SAMTOR: variants seen among roughly 807,000 people sequenced by gnomAD.
SAMTOR encodes UPF0532 protein C7orf60.
the SAMTOR span, among the ~76,000 whole-genome samples, chr7:112,927,856 G>A: frequency 3.3e-5 from 5 of 151,858 alleles, no homozygotes; most frequent in Non-Finnish European, 7.4e-5. Flanking sequence ...AAACAAATTC[G>A]TAATTTTAAA....
chr7:112,925,625 G>A, the SAMTOR span, among the ~76,000 whole-genome samples: 42 of 151,996 alleles, frequency 2.8e-4, no homozygotes, highest in Admixed American at 1.4e-3. Context: ...AAAACCCTGC[G>A]TCTACTACAA....
the SAMTOR span, chr7:112,895,457 C>G: frequency 4.4e-6 from 3 of 684,434 alleles, no homozygotes; most frequent in Non-Finnish European, 6.7e-6. Context: ...CTCAGTCTAT[C>G]ATGTAACTAC....
At chr7:112,916,177 C>T in the SAMTOR span, among the ~76,000 whole-genome samples, 2 of 152,266 alleles carry the variant, frequency 1.3e-5, no homozygotes, top group East Asian at 1.9e-4. Context: ...TATAAGCTGA[C>T]TACATTATCC....
chr7:112,924,752 G>A, the SAMTOR span, among the ~76,000 whole-genome samples: 2 of 151,768 alleles, frequency 1.3e-5, no homozygotes, highest in Non-Finnish European at 2.9e-5. Flanking sequence ...GAAATGTTAA[G>A]GTATTCGAGT....
the SAMTOR span, among the ~76,000 whole-genome samples, chr7:112,899,789 G>GAAAAAAAAAAAAAAAAAAAAAAAAAAAA: frequency 8.8e-6 from 1 of 113,388 alleles, no homozygotes; most frequent in Non-Finnish European, 1.7e-5. Context: ...TGTGCTGAAG[G>GAAAAAAAAAAAAAAAAAAAAAAAAAAAA]AAAAAAAAAA....
At chr7:112,835,427 C>T in the SAMTOR span, among the ~76,000 whole-genome samples, 4 of 152,064 alleles carry the variant, frequency 2.6e-5, no homozygotes, top group Non-Finnish European at 2.9e-5. Context: ...CAGTGTTTCA[C>T]CATTAAATGT....
the SAMTOR span, among the ~76,000 whole-genome samples, chr7:112,849,604 G>C: frequency 1.3e-5 from 2 of 152,084 alleles, no homozygotes; most frequent in Non-Finnish European, 2.9e-5. Flanking sequence ...TCTGTTGCTC[G>C]ACTGCTCTGG....
chr7:112,918,032 T>C, the SAMTOR span, among the ~76,000 whole-genome samples: 18 of 152,266 alleles, frequency 1.2e-4, no homozygotes, highest in South Asian at 3.5e-3. Context: ...CTGCAGGATA[T>C]ATCCAGGAGA....
At chr7:112,899,181 A>T in the SAMTOR span, among the ~76,000 whole-genome samples, 1 of 152,272 alleles carries the variant, frequency 6.6e-6, no homozygotes, top group East Asian at 1.9e-4. Flanking sequence ...ATCTCAATGA[A>T]CTTCAAAAAA....
the SAMTOR span, among the ~76,000 whole-genome samples, chr7:112,828,839 C>T: frequency 6.6e-6 from 1 of 152,152 alleles, no homozygotes; most frequent in African/African-American, 2.4e-5. Flanking sequence ...AAATCGATTT[C>T]ATCTTCATTT....
chr7:112,866,204 TAG>T, the SAMTOR span, among the ~76,000 whole-genome samples: 1 of 152,186 alleles, frequency 6.6e-6, no homozygotes, highest in Non-Finnish European at 1.5e-5. Flanking sequence ...CTTTTCTGTA[TAG>T]AGAGCTGAAC....
the SAMTOR span, among the ~76,000 whole-genome samples, chr7:112,908,617 T>C: frequency 1.3e-5 from 2 of 151,992 alleles, no homozygotes; most frequent in Non-Finnish European, 2.9e-5. Flanking sequence ...AGGTACAGAG[T>C]ATATAACAGT....
chr7:112,822,150 C>A, the SAMTOR span: 1 of 1,613,842 alleles, frequency 6.2e-7, no homozygotes. Flanking sequence ...TAGTAATAAA[C>A]CATTTAACAC....
the SAMTOR span, among the ~76,000 whole-genome samples, chr7:112,836,405 T>A: frequency 6.6e-6 from 1 of 151,592 alleles, no homozygotes; most frequent in African/African-American, 2.4e-5. Flanking sequence ...TGCATGGTTA[T>A]ATTTTCTCCC....
At chr7:112,847,750 C>T in the SAMTOR span, among the ~76,000 whole-genome samples, 1 of 151,148 alleles carries the variant, frequency 6.6e-6, no homozygotes, top group Middle Eastern at 3.2e-3. Context: ...TGCACTCCAG[C>T]TTGGGGAACA....
the SAMTOR span, among the ~76,000 whole-genome samples, chr7:112,929,453 G>A: frequency 6.6e-6 from 1 of 151,992 alleles, no homozygotes; most frequent in Non-Finnish European, 1.5e-5. Context: ...GCATTGGTGA[G>A]GATGTGAAGA....
chr7:112,891,444 G>A, the SAMTOR span, among the ~76,000 whole-genome samples: 63 of 152,260 alleles, frequency 4.1e-4, no homozygotes, highest in Middle Eastern at 3.4e-3. Context: ...CTGCTTAAGA[G>A]TATCTTACTT....
chr7:112,916,490 G>A, the SAMTOR span, among the ~76,000 whole-genome samples: 1 of 152,108 alleles, frequency 6.6e-6, no homozygotes, highest in African/African-American at 2.4e-5. Context: ...GAACAGCTCC[G>A]GTCTACAGCT....
At chr7:112,914,476 G>T in the SAMTOR span, among the ~76,000 whole-genome samples, 2 of 151,874 alleles carry the variant, frequency 1.3e-5, no homozygotes, top group Non-Finnish European at 2.9e-5. Flanking sequence ...CACATTAAGA[G>T]AACTAGTATA....
Sources: allele counts gnomAD v4.1 joint callset (sites outside exome capture counted in the v4.1 genomes callset), GRCh38; gene constraint gnomAD v4.1.1; transcripts MANE v1.5; gene names NCBI Gene and HGNC (gene_info 2026-07-23, HGNC 2026-07-21).